MOB1B: variants seen among roughly 807,000 people sequenced by gnomAD.
MOB1B encodes MOB1 Mps One Binder homolog B.
Under a neutral mutation model 24.4 loss-of-function variants are expected in MOB1B, and 19 were observed. That is an observed-to-expected ratio of 0.78 (90% confidence interval 0.54 to 1.14). MOB1B has a LOEUF of 1.14. Among genes scored for constraint, MOB1B ranks in the 50% most tolerant of loss-of-function variants. The pLI, the probability that MOB1B is intolerant of heterozygous loss-of-function variation, is 0.00. For missense variants in MOB1B, 243 were observed against 259.6 expected, an observed-to-expected ratio of 0.94 and a Z score of 0.44; for synonymous variants, 76 against 82.1, an observed-to-expected ratio of 0.93 and a Z score of 0.40.
At chr4:70,952,453 C>G (rs1404019882) in intron 1 of MOB1B, among the ~76,000 whole-genome samples, 1 of 151,478 alleles carries the variant, frequency 6.6e-6, no homozygotes, top group Non-Finnish European at 1.5e-5. Context: ...ACCATCCTGG[C>G]TAAAATGGTG....
intron 5 of MOB1B, 59 bp downstream of exon 5, chr4:70,979,350 A>G (rs1013844927): frequency 3.3e-5 from 44 of 1,329,270 alleles, no homozygotes; most frequent in Admixed American, 5.4e-5. Context: ...CATAGTTCTA[A>G]GGTAAATACT....
rs1487062354 is a variant in MOB1B, at chr4:70,987,870, G to C, written c.*5813G>C. 2.0e-5 allele frequency: 3 copies of C among 152,552 alleles called. No homozygotes were observed. Among genetic ancestry groups the C allele is most frequent in the Non-Finnish European group, 4.4e-5 (3 of 67,994 alleles). 9.4% of individuals were successfully genotyped at this position (152,552 alleles called of 1,614,324 possible). A position where few individuals can be genotyped will look rare whatever the true frequency, so the allele number is the denominator to read the frequency against. The stretch of plus-strand genomic sequence containing the variant: ...TTTCTCTCTTATAATCAAGTAACTA[G>C]AAGGGGAAAAATCATCTAAGTTATG... On this transcript the variant is annotated 3_prime_UTR_variant, in exon 6 of 6. Coordinates refer to ENST00000309395, the MANE Select transcript of MOB1B (RefSeq NM_173468.4).
intron 3 of MOB1B, among the ~76,000 whole-genome samples, chr4:70,972,275 G>A (rs28707568): frequency 0.045 from 6,912 of 151,984 alleles, 298 homozygotes; most frequent in African/African-American, 0.11. Context: ...GTGCAGTGGT[G>A]CGATCTTGGC....
chr4:70,943,306 G>T (rs1737424085), intron 1 of MOB1B, among the ~76,000 whole-genome samples: 1 of 152,126 alleles, frequency 6.6e-6, no homozygotes, highest in South Asian at 2.1e-4. Context: ...TGCACTTGGT[G>T]CTAGTTTTGC....
intron 2 of MOB1B, among the ~76,000 whole-genome samples, chr4:70,969,682 A>AT (rs1233623019): frequency 1.3e-5 from 2 of 152,204 alleles, no homozygotes; most frequent in Non-Finnish European, 2.9e-5. Flanking sequence ...TATTCTAGAT[A>AT]TAAGATTTCT....
chr4:70,980,776 A>T (rs1739181617), intron 5 of MOB1B, among the ~76,000 whole-genome samples: 1 of 152,078 alleles, frequency 6.6e-6, no homozygotes, highest in African/African-American at 2.4e-5. Context: ...TCTGGGCTCC[A>T]TTCTTTTGAG....
rs1036365485 is a variant in MOB1B, at chr4:70,975,429, A to G, written c.409+143A>G. On this transcript the variant is annotated intron_variant, in intron 4 of 5. Transcript: ENST00000309395. The stretch of plus-strand genomic sequence containing the variant: ...ATGTATATGTTACGCAGTTCCCAAG[A>G]AGAGGCACAAAAGTTTGTTAACCCA... 4.4e-6 allele frequency: 6 copies of G among 1,353,598 alleles called. No homozygotes were observed. In the African/African-American group the frequency reaches 7.4e-5, roughly 17 times the overall value. The allele number at this position is 1,353,598 out of a possible 1,614,324, so 83.8% of individuals were successfully genotyped here.
intron 1 of MOB1B, among the ~76,000 whole-genome samples, chr4:70,909,315 G>T (rs1735885408): frequency 6.6e-6 from 1 of 151,920 alleles, no homozygotes; most frequent in Non-Finnish European, 1.5e-5. Flanking sequence ...TGCTTCAGCA[G>T]CCTCACCTTT....
chr4:70,958,907 G>A lies in MOB1B; in HGVS notation c.48G>A (p.Lys16=). The part of the protein sequence containing the change: ...GSRSSKTFKP[K]KNIPEGSHQY... The stretch of plus-strand genomic sequence containing the variant: ...GCTCTTCTAAAACTTTTAAACCAAA[G>A]AAGAACATTCCAGAGGGTTCTCACC... Residue 16 remains lysine (K), a synonymous_variant, in exon 2 of 6, where the codon AAG becomes AAA. Coordinates refer to ENST00000309395, the MANE Select transcript of MOB1B (RefSeq NM_173468.4). The A allele has an allele frequency of 6.2e-7, 1 of 1,612,778 alleles. No individual in the cohort carries two copies. The highest frequency in any genetic ancestry group is 2.2e-5 in the East Asian group (1 of 44,844).
chr4:70,921,700 G>C (rs2148873544), intron 1 of MOB1B, among the ~76,000 whole-genome samples: 1 of 151,962 alleles, frequency 6.6e-6, no homozygotes, highest in South Asian at 2.1e-4. Flanking sequence ...GTAGAGATGG[G>C]GTTTCACCGT....
chr4:70,973,588 T>C (rs548036607), intron 3 of MOB1B, among the ~76,000 whole-genome samples: 14 of 152,178 alleles, frequency 9.2e-5, no homozygotes, highest in Non-Finnish European at 1.8e-4. Flanking sequence ...CTAAGAACTT[T>C]AGTGTTTTAT....
At chr4:70,974,695 A>AT (rs1313537825) in intron 3 of MOB1B, among the ~76,000 whole-genome samples, 15 of 152,156 alleles carry the variant, frequency 9.9e-5, no homozygotes, top group Admixed American at 8.5e-4. Context: ...ATCTTCATTA[A>AT]TCTTATTTTG....
intron 3 of MOB1B, among the ~76,000 whole-genome samples, chr4:70,973,823 T>C (rs936484656): frequency 1.3e-5 from 2 of 152,202 alleles, no homozygotes; most frequent in African/African-American, 4.8e-5. Context: ...GTATAGCTTG[T>C]TTAGTATTAT....
intron 1 of MOB1B, among the ~76,000 whole-genome samples, chr4:70,917,900 T>A (rs1458973345): frequency 6.6e-6 from 1 of 152,022 alleles, no homozygotes; most frequent in Non-Finnish European, 1.5e-5. Flanking sequence ...AAATGAAAAT[T>A]GGACAAAGTA....
At chr4:70,954,068 A>G (rs1737927248) in intron 1 of MOB1B, among the ~76,000 whole-genome samples, 1 of 152,150 alleles carries the variant, frequency 6.6e-6, no homozygotes, top group Non-Finnish European at 1.5e-5. Flanking sequence ...CCCCCCAAAA[A>G]AAGAAACCCA....
chr4:70,902,254 G>C (rs958654342), upstream of MOB1B: 2 of 560,750 alleles, frequency 3.6e-6, no homozygotes, highest in Non-Finnish European at 6.4e-6. Flanking sequence ...CGTGAGGTGG[G>C]GGCGGCGGGG....
chr4:70,981,751 A>G (rs532775690), intron 5 of MOB1B, among the ~76,000 whole-genome samples: 1 of 152,310 alleles, frequency 6.6e-6, no homozygotes, highest in East Asian at 1.9e-4. Flanking sequence ...CCCCACAATA[A>G]TTTTATGAGA....
chr4:70,969,017 TAAATC>T (rs1738650091), intron 2 of MOB1B, among the ~76,000 whole-genome samples: 1 of 152,248 alleles, frequency 6.6e-6, no homozygotes, highest in Admixed American at 6.5e-5. Context: ...GGCTATGTCA[TAAATC>T]AAATGTTTCA....
At chr4:70,936,327 T>A (rs999974758) in intron 1 of MOB1B, among the ~76,000 whole-genome samples, 2 of 152,142 alleles carry the variant, frequency 1.3e-5, no homozygotes, top group Non-Finnish European at 2.9e-5. Context: ...CATTAAACTT[T>A]TCTTTGAACT....
Sources: gnomAD v4.1 joint callset for allele counts (sites outside exome capture counted in the v4.1 genomes callset) on GRCh38, gnomAD v4.1.1 for gene constraint, MANE v1.5 for transcripts, NCBI Gene and HGNC (gene_info 2026-07-23, HGNC 2026-07-21) for gene names.